The following PCSK5 variants were observed in gnomAD, a reference collection of about 807,000 sequenced individuals.
PCSK5 encodes proprotein convertase subtilisin/kexin type 5, also known as prohormone convertase 5.
A neutral mutation model predicts 233.2 loss-of-function variants in PCSK5; 129 were observed. The observed-to-expected ratio is 0.55, with a 90% CI of 0.48 to 0.64. The LOEUF is 0.64. Among genes scored for constraint, PCSK5 ranks in the 30% least tolerant of loss-of-function variants. The pLI, the probability that PCSK5 is intolerant of heterozygous loss-of-function variation, is 0.00. For synonymous variants in PCSK5, 825 were observed against 879.2 expected (o/e 0.94, Z 1.09); for missense variants, 2,076 against 2,430.1 (o/e 0.85, Z 3.06).
chr9:75,929,450 A>G (rs1257076796), intron 1 of PCSK5, among the ~76,000 whole-genome samples: 1 of 152,156 alleles, frequency 6.6e-6, no homozygotes, highest in Non-Finnish European at 1.5e-5. Flanking sequence ...TATTAATATG[A>G]GATGGTATAA....
chr9:76,105,051 G>T (rs181562546), intron 8 of PCSK5, among the ~76,000 whole-genome samples: 12 of 152,300 alleles, frequency 7.9e-5, no homozygotes, highest in Non-Finnish European at 1.6e-4. Flanking sequence ...CGATTTGAAA[G>T]AACTGAAAAC....
At chr9:76,289,494 C>T (rs1290958636) in intron 24 of PCSK5, among the ~76,000 whole-genome samples, 2 of 128,160 alleles carry the variant, frequency 1.6e-5, no homozygotes, top group Middle Eastern at 3.9e-3. Context: ...CACACACACA[C>T]ACACACACAC....
chr9:76,324,996 G>A (rs1829319716), intron 32 of PCSK5, among the ~76,000 whole-genome samples: 1 of 152,196 alleles, frequency 6.6e-6, no homozygotes, highest in Non-Finnish European at 1.5e-5. Flanking sequence ...ACACGAAGAT[G>A]TGTCTCGGTC....
chr9:76,310,892 T>TG (rs1311103867), intron 30 of PCSK5, 41 bp downstream of exon 30: 1 of 1,326,764 alleles, frequency 7.5e-7, no homozygotes, highest in African/African-American at 1.5e-5. Flanking sequence ...TTGTAATCAC[T>TG]CTCCTCTGGT....
At chr9:76,105,403 G>A (rs12684255) in intron 8 of PCSK5, among the ~76,000 whole-genome samples, 1 of 152,214 alleles carries the variant, frequency 6.6e-6, no homozygotes, top group Admixed American at 6.5e-5. Context: ...GAACTGTTCA[G>A]TGGTTACAGA....
In PCSK5 at chr9:76,240,633, G is replaced by C; in HGVS notation, c.3091G>C (p.Asp1031His). The change falls in exon 24 of 38, where the codon GAC becomes CAC. Residue 1031 changes from aspartate to histidine, a missense_variant. By Grantham distance (81) the Asp-to-His change is moderately conservative (BLOSUM62 -1). Coordinates refer to ENST00000674117, the MANE Select transcript of PCSK5 (RefSeq NM_001372043.1). Reference sequence around the variant, plus strand: ...CTGTGTAGGTGAAGTCCAAGACCCAGACTATGAAGAATGTGTCCCTTGTGA... The same window carrying C: ...CTGTGTAGGTGAAGTCCAAGACCCACACTATGAAGAATGTGTCCCTTGTGA... ...ECGQGEVQDP[D>H]YEECVPCEEG... 1 of 1,577,422 alleles carries C rather than the reference G, an allele frequency of 6.3e-7. No individual in the cohort carries two copies. Among genetic ancestry groups the C allele is most frequent in the Non-Finnish European group, 8.6e-7 (1 of 1,159,740 alleles).
intron 13 of PCSK5, among the ~76,000 whole-genome samples, chr9:76,173,232 A>G (rs1456764926): frequency 6.6e-6 from 1 of 152,122 alleles, no homozygotes; most frequent in African/African-American, 2.4e-5. Flanking sequence ...GCACTTAAAA[A>G]CATCAAACAT....
At chr9:76,338,600 G>A (rs1202100544) in intron 35 of PCSK5, among the ~76,000 whole-genome samples, 153 bp downstream of exon 35, 4 of 151,896 alleles carry the variant, frequency 2.6e-5, no homozygotes, top group Non-Finnish European at 4.4e-5. Flanking sequence ...CCCTCTGTTC[G>A]CTCTTAACTT....
chr9:76,348,986 A>G (rs1366438181), intron 35 of PCSK5, among the ~76,000 whole-genome samples: 1 of 152,116 alleles, frequency 6.6e-6, no homozygotes, highest in Non-Finnish European at 1.5e-5. Context: ...AAAAATGTAG[A>G]ATGGGCTGGG....
At chr9:76,203,877 C>T (rs1825008873) in intron 20 of PCSK5, among the ~76,000 whole-genome samples, 1 of 152,116 alleles carries the variant, frequency 6.6e-6, no homozygotes, top group Non-Finnish European at 1.5e-5. Flanking sequence ...AGGGAGGCTG[C>T]CTGGGTTCAA....
At chr9:76,072,986 T>C (rs998582128) in intron 7 of PCSK5, among the ~76,000 whole-genome samples, 1 of 152,270 alleles carries the variant, frequency 6.6e-6, no homozygotes, top group Non-Finnish European at 1.5e-5. Context: ...TCTTCCTTAC[T>C]AAATTGCGAG....
intron 32 of PCSK5, among the ~76,000 whole-genome samples, chr9:76,327,656 G>A (rs2643312): frequency 0.17 from 25,309 of 152,066 alleles, 2,288 homozygotes; most frequent in African/African-American, 0.21. Context: ...AGTAGGTGTT[G>A]TGACGGTGGA....
At chr9:76,123,454 C>T (rs1454784521) in intron 9 of PCSK5, among the ~76,000 whole-genome samples, 1 of 152,102 alleles carries the variant, frequency 6.6e-6, no homozygotes, top group Admixed American at 6.6e-5. Context: ...ACCTTTGACT[C>T]CTTGCTATAT....
intron 24 of PCSK5, among the ~76,000 whole-genome samples, chr9:76,252,272 G>GAAAAAA (rs200025130): frequency 2.3e-4 from 35 of 151,686 alleles, no homozygotes; most frequent in Admixed American, 5.9e-4. Context: ...CTCCGTCTCA[G>GAAAAAA]AAAAAATAAT....
At chr9:76,194,416 T>A (rs1185056127) in intron 20 of PCSK5, 1 of 152,760 alleles carries the variant, frequency 6.5e-6, no homozygotes. Flanking sequence ...GCAACTTTTT[T>A]CAATGGTGCT....
At chr9:75,968,454 C>T (rs558755809) in intron 2 of PCSK5, among the ~76,000 whole-genome samples, 1 of 152,358 alleles carries the variant, frequency 6.6e-6, no homozygotes, top group South Asian at 2.1e-4. Flanking sequence ...AAAATATAGC[C>T]TCTTTCTTCC....
intron 27 of PCSK5, among the ~76,000 whole-genome samples, chr9:76,301,177 C>G (rs1402750915): frequency 6.6e-6 from 1 of 150,770 alleles, no homozygotes; most frequent in Non-Finnish European, 1.5e-5. Context: ...GAGGCTGAGG[C>G]ATTAGAATCA....
intron 33 of PCSK5, among the ~76,000 whole-genome samples, chr9:76,330,302 C>G (rs1033993834): frequency 1.3e-5 from 2 of 152,078 alleles, no homozygotes; most frequent in African/African-American, 4.8e-5. Flanking sequence ...AGGCTTAAAA[C>G]AAGCATGGGA....
At chr9:76,195,247 T>A (rs1327022910) in intron 20 of PCSK5, 1 of 152,024 alleles carries the variant, frequency 6.6e-6, no homozygotes, top group Non-Finnish European at 1.5e-5. Flanking sequence ...CGTGGACAAA[T>A]GCAAGCACAA....
Sources: allele counts gnomAD v4.1 joint callset (sites outside exome capture counted in the v4.1 genomes callset), GRCh38; gene constraint gnomAD v4.1.1; transcripts MANE v1.5; gene names NCBI Gene and HGNC (gene_info 2026-07-23, HGNC 2026-07-21).